The following FGF13 variants were observed in gnomAD, a reference collection of about 807,000 sequenced individuals.
FGF13 encodes the protein fibroblast growth factor 13.
FGF13 carries 2 observed loss-of-function variants against 19.5 expected under a neutral mutation model. The observed-to-expected ratio is 0.10, with a 90% CI of 0.04 to 0.32. FGF13 has a LOEUF of 0.32. Among genes scored for constraint, FGF13 ranks in the 10% least tolerant of loss-of-function variants. The pLI, the probability that FGF13 is intolerant of heterozygous loss-of-function variation, is 1.00. For missense variants in FGF13, 113 were observed against 192.7 expected, an observed-to-expected ratio of 0.59 and a Z score of 2.45; for synonymous variants, 72 against 76.9, an observed-to-expected ratio of 0.94 and a Z score of 0.33.
At chrX:138,713,165 C>G (rs892645225), upstream of FGF13, among the ~76,000 whole-genome samples, 1 of 112,451 alleles carries the variant, frequency 8.9e-6, no homozygotes, top group Non-Finnish European at 1.9e-5. Context: ...GTGCTTTTGG[C>G]TTTCCCAAAT....
rs1249634630 is a variant in FGF13, at chrX:138,618,817, TGAA to T, written c.*14030_*14032del. ...ACTCTCAGAATTTGGTTTGGTTTTA[TGAA>T]ATTAAGAAAATACAGATGATCTTAA... On this transcript the variant is annotated 3_prime_UTR_variant, in exon 5 of 5. Transcript: ENST00000315930. 2.7e-5 allele frequency: 3 copies of T among 111,967 alleles called. No individual in the cohort carries two copies. In the Admixed American group the frequency reaches 2.8e-4, roughly 11 times the overall value. The allele number at this position is 111,967 out of a possible 1,213,427, so 9.2% of individuals were successfully genotyped here. A position where few individuals can be genotyped will look rare whatever the true frequency, so the allele number is the denominator to read the frequency against.
chrX:138,699,437 G>A (rs2089925933), intron 3 of FGF13, among the ~76,000 whole-genome samples: 1 of 110,971 alleles, frequency 9.0e-6, no homozygotes, highest in South Asian at 3.8e-4. Flanking sequence ...CCTCAACCCT[G>A]TGTTCTGCCC....
rs1012511108 is a variant in FGF13, at chrX:138,618,499, A to T, written c.*14351T>A. On this transcript the variant is annotated 3_prime_UTR_variant, in exon 5 of 5. Transcript: ENST00000315930. The stretch of plus-strand genomic sequence containing the variant: ...AGCAACCAGAGACTGGAAATTCAAC[A>T]AAAGGACACATATACTACTAACAAC... 1 of 111,667 alleles carries T rather than the reference A, an allele frequency of 9.0e-6. No individual in the cohort carries two copies. The highest frequency in any genetic ancestry group is 1.9e-5 in the Non-Finnish European group (1 of 53,198). 9.2% of individuals were successfully genotyped at this position (111,667 alleles called of 1,213,427 possible).
intron 1 of FGF13, among the ~76,000 whole-genome samples, chrX:138,926,589 G>A (rs2091675442): frequency 8.9e-6 from 1 of 111,792 alleles, no homozygotes; most frequent in Admixed American, 9.5e-5. Context: ...AGACATCTAA[G>A]AAAAGCCCAT....
chrX:139,174,682 G>A (rs892725506), intron 1 of FGF13, among the ~76,000 whole-genome samples: 1 of 111,803 alleles, frequency 8.9e-6, no homozygotes, highest in African/African-American at 3.3e-5. Flanking sequence ...TTTTTGTCAG[G>A]TTTGTCAAAG....
intron 3 of FGF13, among the ~76,000 whole-genome samples, chrX:138,848,337 A>G (rs1177559444): frequency 9.0e-6 from 1 of 111,166 alleles, no homozygotes; most frequent in East Asian, 2.9e-4. Context: ...CAGCATGATA[A>G]GATTCCTGGA....
chrX:139,157,818 G>A (rs1321592779), intron 1 of FGF13, among the ~76,000 whole-genome samples: 1 of 112,568 alleles, frequency 8.9e-6, no homozygotes, highest in Non-Finnish European at 1.9e-5. Flanking sequence ...TGGCTGTCGG[G>A]GTGGCCGAAT....
chrX:138,986,829 A>C (rs917868918), intron 1 of FGF13, among the ~76,000 whole-genome samples: 1 of 112,293 alleles, frequency 8.9e-6, no homozygotes, highest in Non-Finnish European at 1.9e-5. Context: ...TTGTCACATG[A>C]TATTATAAAA....
chrX:138,879,813 AG>A (rs2091413177), intron 1 of FGF13, among the ~76,000 whole-genome samples: 2 of 111,772 alleles, frequency 1.8e-5, no homozygotes, highest in South Asian at 7.5e-4. Context: ...ATGGCAGCAA[AG>A]CCCAAATTGA....
chrX:139,130,337 A>T (rs1027195339), intron 1 of FGF13, among the ~76,000 whole-genome samples: 4 of 112,208 alleles, frequency 3.6e-5, no homozygotes, highest in Non-Finnish European at 7.5e-5. Flanking sequence ...ATTTAAATAA[A>T]TCTCATGTCC....
At chrX:138,816,455 C>T (rs1484536571) in intron 3 of FGF13, among the ~76,000 whole-genome samples, 1 of 112,128 alleles carries the variant, frequency 8.9e-6, no homozygotes, top group Non-Finnish European at 1.9e-5. Flanking sequence ...AGCAATCGCA[C>T]TCATCAGAAT....
intron 3 of FGF13, among the ~76,000 whole-genome samples, chrX:138,834,188 G>C (rs747129092): frequency 2.0e-4 from 22 of 111,867 alleles, no homozygotes; most frequent in Non-Finnish European, 4.0e-4. Context: ...TGAATCCCTT[G>C]TTTTCAATTT....
intron 3 of FGF13, among the ~76,000 whole-genome samples, chrX:138,839,975 T>C (rs2091138839): frequency 8.9e-6 from 1 of 112,111 alleles, no homozygotes; most frequent in Non-Finnish European, 1.9e-5. Flanking sequence ...ATCGAGATTA[T>C]AGAAACTTGA....
intron 3 of FGF13, among the ~76,000 whole-genome samples, chrX:138,754,457 C>T (rs1264018746): frequency 1.8e-5 from 2 of 111,194 alleles, no homozygotes; most frequent in East Asian, 2.9e-4. Context: ...GTAAGTCAGG[C>T]TCTCTCTCCC....
At chrX:138,905,921 A>T (rs114010681) in intron 1 of FGF13, among the ~76,000 whole-genome samples, 3,016 of 111,701 alleles carry the variant, frequency 0.027, 100 homozygotes, top group African/African-American at 0.093. Context: ...CAGAACAATG[A>T]GGCATATCCT....
intron 3 of FGF13, among the ~76,000 whole-genome samples, chrX:138,774,592 A>T (rs1326781146): frequency 2.7e-5 from 3 of 111,307 alleles, no homozygotes; most frequent in Non-Finnish European, 1.9e-5. Flanking sequence ...CTCTCATAGC[A>T]CCTCCACAAA....
chrX:138,798,516 A>AC (rs1569397565), intron 3 of FGF13, among the ~76,000 whole-genome samples: 1 of 109,884 alleles, frequency 9.1e-6, no homozygotes, highest in East Asian at 2.9e-4. Context: ...TATTGGCCTG[A>AC]TTTTTTTTTC....
chrX:139,158,517 A>T (rs2083999914), intron 1 of FGF13, among the ~76,000 whole-genome samples: 1 of 111,335 alleles, frequency 9.0e-6, no homozygotes, highest in Non-Finnish European at 1.9e-5. Context: ...GGGCGGAGCC[A>T]GGTACAGAAT....
rs10666140 is a variant in FGF13, at chrX:138,978,266, G to GTTTTTTTTTTTTTTTTTT, written c.-112-113617_-112-113616insAAAAAAAAAAAAAAAAAA. On this transcript the variant is annotated intron_variant, in intron 1 of 2. Coordinates refer to the FGF13 transcript ENST00000421460. ...TAATCTCTATGGGCTAGCTGCCCTG[G>GTTTTTTTTTTTTTTTTTT]TTTTTTTTTTTTTTGAGATGGAGTC... Among the ~76,000 whole-genome samples, 6 of 82,913 alleles carry GTTTTTTTTTTTTTTTTTT rather than the reference G, an allele frequency of 7.2e-5. 1 individual carries two copies. The highest frequency in any genetic ancestry group is 2.9e-4 in the African/African-American group (6 of 20,387). 72.0% of individuals were successfully genotyped at this position (82,913 alleles called of 115,157 possible).
Sources: gnomAD v4.1 joint callset for allele counts (sites outside exome capture counted in the v4.1 genomes callset) on GRCh38, gnomAD v4.1.1 for gene constraint, MANE v1.5 for transcripts, NCBI Gene and HGNC (gene_info 2026-07-23, HGNC 2026-07-21) for gene names.